Variants in TAX1BP3 observed in about 807,000 individuals in gnomAD.
TAX1BP3 encodes the protein tax1-binding protein 3.
TAX1BP3 carries 13 observed loss-of-function variants against 15.3 expected under a neutral mutation model. The ratio of observed to expected loss-of-function variants is 0.85; its 90% CI spans 0.55 to 1.35. TAX1BP3 has a LOEUF of 1.35. TAX1BP3 is among the 40% of genes most tolerant of loss of function. TAX1BP3 has a pLI of 0.00. For missense variants in TAX1BP3, 147 were observed against 169.6 expected, an observed-to-expected ratio of 0.87 and a Z score of 0.74; for synonymous variants, 70 against 66.0, an observed-to-expected ratio of 1.06 and a Z score of -0.30.
chr17:3,664,820 T>A (rs2076321372), intron 1 of TAX1BP3, 22 bp from the exon 2 acceptor site: 7 of 1,609,698 alleles, frequency 4.3e-6, no homozygotes, highest in Non-Finnish European at 5.9e-6. Flanking sequence ...AAAAGCCAGT[T>A]GAGAGAAGTG....
rs1265750666 is a variant in TAX1BP3, at chr17:3,662,978, CT to C, written c.*769del. On this transcript the variant is annotated 3_prime_UTR_variant, in exon 4 of 4. Transcript: ENST00000225525. ...CGGTAACCAAAGTAAGGCTTGTGCA[CT>C]TGCTGAGCTTCCAGATGCGAATTAG... 6.6e-6 allele frequency: 1 copy of C among 152,202 alleles called. No homozygotes were observed. The highest frequency in any genetic ancestry group is 1.5e-5 in the Non-Finnish European group (1 of 68,036). The allele number at this position is 152,202 out of a possible 1,614,324, so 9.4% of individuals were successfully genotyped here. A position where few individuals can be genotyped will look rare whatever the true frequency, so the allele number is the denominator to read the frequency against.
rs1272992122 is a variant in TAX1BP3, at chr17:3,663,659, G to A, written c.*89C>T. The A allele has an allele frequency of 2.0e-5, 30 of 1,505,358 alleles. No homozygotes were observed. The highest frequency in any genetic ancestry group is 1.2e-4 in the Admixed American group (6 of 50,614). The allele number at this position is 1,505,358 out of a possible 1,614,324, so 93.3% of individuals were successfully genotyped here. ...TAGCCCTTCTGAGCTGGGGCCCAGC[G>A]GTCAGCAGAAGCCAGATGGGGACAG... On this transcript the variant is annotated 3_prime_UTR_variant, in exon 4 of 4. Transcript: ENST00000225525.
chr17:3,663,789 G>T lies in TAX1BP3; in HGVS notation c.334C>A (p.Gln112Lys). 6.2e-7 allele frequency: 1 copy of T among 1,606,202 alleles called. No individual in the cohort carries two copies. ...TGCTGCACGGCCTTCTGCAGCGACTGCCGCGTCACCAGCAGACGCACCACC... is the reference window on the plus strand; with the variant it reads ...TGCTGCACGGCCTTCTGCAGCGACTTCCGCGTCACCAGCAGACGCACCACC... ...EEVVRLLVTR[Q>K]SLQKAVQQSM... is the part of the protein sequence containing the mutation. Residue 112 changes from glutamine to lysine, a missense_variant, in exon 4 of 4, where the codon CAG becomes AAG. Physicochemically the swap from Gln to Lys is moderately conservative, Grantham distance 53 (BLOSUM62 1). Transcript: ENST00000225525.
rs1014275091 is a variant in TAX1BP3 at position 3,663,314 on chromosome 17, C to T, written c.*434G>A. Reference sequence around the variant, plus strand: ...AGTCCCCCGAGGGGCAGAGGCACTGCGGTGTGGACACACGAGGGCTGGGGG... The same window carrying T: ...AGTCCCCCGAGGGGCAGAGGCACTGTGGTGTGGACACACGAGGGCTGGGGG... On this transcript the variant is annotated 3_prime_UTR_variant, in exon 4 of 4. Transcript: ENST00000225525. 7.6e-5 allele frequency: 12 copies of T among 157,340 alleles called. No individual in the cohort carries two copies. Among genetic ancestry groups the T allele is most frequent in the Admixed American group, 6.4e-5 (1 of 15,540 alleles). The allele number at this position is 157,340 out of a possible 1,614,324, so 9.7% of individuals were successfully genotyped here. A position where few individuals can be genotyped will look rare whatever the true frequency, so the allele number is the denominator to read the frequency against.
intron 1 of TAX1BP3, among the ~76,000 whole-genome samples, chr17:3,665,950 C>T (rs914847479): frequency 1.3e-5 from 2 of 152,134 alleles, no homozygotes; most frequent in Admixed American, 1.3e-4. Flanking sequence ...AAGCCCCAGA[C>T]CCTGCTCTTG....
chr17:3,665,199 A>G, intron 1 of TAX1BP3: 2 of 1,093,706 alleles, frequency 1.8e-6, no homozygotes, highest in Admixed American at 1.7e-5. Flanking sequence ...CGGAACCGCC[A>G]TCTTCCAGTA....
At position 3,662,942 on chromosome 17, in the gene TAX1BP3, A is replaced by C. The variant is rs1597672236; in HGVS notation, c.*806T>G. On this transcript the variant is annotated 3_prime_UTR_variant, in exon 4 of 4. Coordinates refer to ENST00000225525, the MANE Select transcript of TAX1BP3 (RefSeq NM_014604.4). ...GCGCACCACATCGGGGAGGGGCGGCAGTGGTTTCCACGGTAACCAAAGTAA... is the reference window on the plus strand; with the variant it reads ...GCGCACCACATCGGGGAGGGGCGGCCGTGGTTTCCACGGTAACCAAAGTAA... The C allele has an allele frequency of 6.6e-6, 1 of 152,200 alleles. No individual in the cohort carries two copies. Among genetic ancestry groups the C allele is most frequent in the Non-Finnish European group, 1.5e-5 (1 of 68,044 alleles). 9.4% of individuals were successfully genotyped at this position (152,200 alleles called of 1,614,324 possible).
At chr17:3,663,956 G>T in intron 3 of TAX1BP3, 71 bp from the exon 4 acceptor site, 1 of 1,561,396 alleles carries the variant, frequency 6.4e-7, no homozygotes, top group Non-Finnish European at 8.7e-7. Flanking sequence ...GAGGGCTTTG[G>T]GGGCCCAGGT....
chr17:3,664,685 C>A lies in TAX1BP3; in HGVS notation c.153G>T (p.Thr51=). 6.2e-7 allele frequency: 1 copy of A among 1,613,726 alleles called. No homozygotes were observed. The highest frequency in any genetic ancestry group is 8.5e-7 in the Non-Finnish European group (1 of 1,179,900). ...PSQNPFSEDK[T]DKGIYVTRVS... ...GGACCCCAGACCCCCTCACCTTGTC[C>A]GTCTTGTCTTCAGAGAAGGGATTCT... Residue 51 remains threonine (T), a synonymous_variant, in exon 2 of 4, where the codon ACG becomes ACT. Coordinates refer to ENST00000225525, the MANE Select transcript of TAX1BP3 (RefSeq NM_014604.4).
In TAX1BP3 at chr17:3,668,086, G is replaced by A. The variant is rs980588761; in HGVS notation, c.39+402C>T. Among the ~76,000 whole-genome samples the A allele has an allele frequency of 1.3e-5, 2 of 152,250 alleles. No individual in the cohort carries two copies. The highest frequency in any genetic ancestry group is 4.8e-5 in the African/African-American group (2 of 41,466). ...AGATCTCCCTCCGGGCGGCGGCGCA[G>A]GCTGCAGCGGAGGAAGCATTTCCTC... On this transcript the variant is annotated intron_variant, in intron 1 of 3. Coordinates refer to ENST00000225525, the MANE Select transcript of TAX1BP3 (RefSeq NM_014604.4). This position sits in a 1 kb window ranked among gnomAD's most constrained non-coding sequence, Gnocchi z 4.1.
At position 3,664,597 on chromosome 17, in the gene TAX1BP3, C is replaced by T. The variant is rs1310360987; in HGVS notation, c.159+82G>A. 2.6e-6 allele frequency: 4 copies of T among 1,549,746 alleles called. No individual in the cohort carries two copies. The East Asian group carries it at 6.7e-5, about 26-fold the overall frequency. On this transcript the variant is annotated intron_variant, in intron 2 of 3. Coordinates refer to ENST00000225525, the MANE Select transcript of TAX1BP3 (RefSeq NM_014604.4). Reference sequence around the variant, plus strand: ...TTTGAGAGATGAAGTCTGTTCCTTCCATGCAGGCCCAGGAAGCAGAGACCC... The same window carrying T: ...TTTGAGAGATGAAGTCTGTTCCTTCTATGCAGGCCCAGGAAGCAGAGACCC...
chr17:3,667,136 G>A (rs1325588068), intron 1 of TAX1BP3, among the ~76,000 whole-genome samples: 26 of 152,092 alleles, frequency 1.7e-4, no homozygotes, highest in Admixed American at 1.7e-3. Flanking sequence ...CAGAGGTCAG[G>A]AGTTCAAGAC....
chr17:3,665,343 A>G, intron 1 of TAX1BP3: 1 of 1,268,720 alleles, frequency 7.9e-7, no homozygotes, highest in Non-Finnish European at 1.1e-6. Flanking sequence ...TACTGTAGAC[A>G]TCAAGGGAAT....
chr17:3,663,089 C>T lies in TAX1BP3; in HGVS notation c.*659G>A, dbSNP rs2076299855. 6.6e-6 allele frequency: 1 copy of T among 152,192 alleles called. No individual in the cohort carries two copies. Among genetic ancestry groups the T allele is most frequent in the Non-Finnish European group, 1.5e-5 (1 of 68,032 alleles). The allele number at this position is 152,192 out of a possible 1,614,324, so 9.4% of individuals were successfully genotyped here. On this transcript the variant is annotated 3_prime_UTR_variant, in exon 4 of 4. Coordinates refer to ENST00000225525, the MANE Select transcript of TAX1BP3 (RefSeq NM_014604.4). ...TATCAAACTTGTGATTAAAAAAATA[C>T]AAAAGTTAAACCCACAGGCAAAGAG...
In TAX1BP3 at chr17:3,663,132, G is replaced by A. The variant is rs1309003290; in HGVS notation, c.*616C>T. ...GCAAAGAGGAAAATGACAATCCTGAGAGCTGCCCTGATAGGTGAGCCTCGA... is the reference window on the plus strand; with the variant it reads ...GCAAAGAGGAAAATGACAATCCTGAAAGCTGCCCTGATAGGTGAGCCTCGA... On this transcript the variant is annotated 3_prime_UTR_variant, in exon 4 of 4. Transcript: ENST00000225525. 1 of 152,282 alleles carries A rather than the reference G, an allele frequency of 6.6e-6. No homozygotes were observed. Among genetic ancestry groups the A allele is most frequent in the Non-Finnish European group, 1.5e-5 (1 of 68,074 alleles). The allele number at this position is 152,282 out of a possible 1,614,324, so 9.4% of individuals were successfully genotyped here. A position where few individuals can be genotyped will look rare whatever the true frequency, so the allele number is the denominator to read the frequency against.
Position 3,665,402 on chromosome 17 carries a change from T to G in TAX1BP3, c.40-604A>C. 2.7e-6 allele frequency: 4 copies of G among 1,469,136 alleles called. No homozygotes were observed. The South Asian group carries it at 3.4e-5, about 12-fold the overall frequency. 91.0% of individuals were successfully genotyped at this position (1,469,136 alleles called of 1,614,324 possible). ...CCCACAAGGGTTACCATGGCAAAAC[T>G]GGAAGAGTCTACAATGTTCCCCAGC... is the stretch of plus-strand genomic sequence containing the variant. On this transcript the variant is annotated intron_variant, in intron 1 of 3. Transcript: ENST00000225525.
intron 1 of TAX1BP3, among the ~76,000 whole-genome samples, chr17:3,666,686 C>G (rs759281104): frequency 1.3e-5 from 2 of 152,236 alleles, no homozygotes; most frequent in South Asian, 2.1e-4. Context: ...ATCCAAGACT[C>G]GAGGGAGAGG....
chr17:3,663,630 G>C lies in TAX1BP3; in HGVS notation c.*118C>G. ...AGGCCAGGCCAGGCCTCTGGGACCA[G>C]CTATAGCCCTTCTGAGCTGGGGCCC... On this transcript the variant is annotated 3_prime_UTR_variant, in exon 4 of 4. Coordinates refer to ENST00000225525, the MANE Select transcript of TAX1BP3 (RefSeq NM_014604.4). 5.5e-6 allele frequency: 8 copies of C among 1,441,656 alleles called. No homozygotes were observed. The highest frequency in any genetic ancestry group is 7.4e-6 in the Non-Finnish European group (8 of 1,086,272). The allele number at this position is 1,441,656 out of a possible 1,614,324, so 89.3% of individuals were successfully genotyped here.
chr17:3,665,875 A>C (rs2076336220), intron 1 of TAX1BP3, among the ~76,000 whole-genome samples: 1 of 152,082 alleles, frequency 6.6e-6, no homozygotes, highest in Non-Finnish European at 1.5e-5. Flanking sequence ...GGGAGGCGAG[A>C]TGAGGCTGAA....
Sources: gnomAD v4.1 joint callset for allele counts (sites outside exome capture counted in the v4.1 genomes callset) on GRCh38, gnomAD v4.1.1 for gene constraint, Gnocchi (gnomAD v3.1) non-coding constraint, MANE v1.5 for transcripts, NCBI Gene and HGNC (gene_info 2026-07-23, HGNC 2026-07-21) for gene names.